The following CSMD1 variants were observed in gnomAD, a reference collection of about 807,000 sequenced individuals.
CSMD1 encodes the protein CUB and Sushi multiple domains 1, also known as CUB and sushi domain-containing protein 1.
A neutral mutation model predicts 417.5 loss-of-function variants in CSMD1; 213 were observed. The observed-to-expected ratio is 0.51, with a 90% confidence interval of 0.46 to 0.57. The LOEUF (loss-of-function observed/expected upper bound fraction) is 0.57, where lower values mean the gene tolerates loss of function less well. CSMD1 is among the 20% of genes least tolerant of loss of function. The pLI is 0.00. For synonymous variants in CSMD1, 2,862 were observed against 1,736.8 expected (o/e 1.65, Z -16.11); for missense variants, 6,923 against 4,529.7 (o/e 1.53, Z -15.17).
chr8:4,882,120 T>G (rs1157237412), intron 1 of CSMD1, among the ~76,000 whole-genome samples: 1 of 152,096 alleles, frequency 6.6e-6, no homozygotes, highest in Admixed American at 6.5e-5. Context: ...TAAAATAAAC[T>G]AGAGTAGGCT....
chr8:3,917,181 T>C (rs1049683641), intron 5 of CSMD1, among the ~76,000 whole-genome samples: 25 of 152,212 alleles, frequency 1.6e-4, no homozygotes, highest in African/African-American at 5.8e-4. Context: ...CAAATATTTA[T>C]GGAGCGCTTA....
rs144626465 is a variant in CSMD1, at chr8:3,588,394, G to A, written c.1098-2134C>T. Reference sequence around the variant, plus strand: ...TGAGAGTCCTCGGGTAGGAAGAGTTGGAATTTCAGTGTGGCCACTTCTTCA... The same window carrying A: ...TGAGAGTCCTCGGGTAGGAAGAGTTAGAATTTCAGTGTGGCCACTTCTTCA... On this transcript the variant is annotated intron_variant, in intron 8 of 69. Coordinates refer to ENST00000635120, the MANE Select transcript of CSMD1 (RefSeq NM_033225.6). Among the ~76,000 whole-genome samples, 1,362 of 152,224 alleles carry A rather than the reference G, an allele frequency of 8.9e-3. 9 individuals carry two copies. The highest frequency in any genetic ancestry group is 0.014 in the Non-Finnish European group (948 of 68,022).
At position 3,931,281 on chromosome 8, in the gene CSMD1, A is replaced by C. The variant is rs1166818503; in HGVS notation, c.818+66622T>G. Among the ~76,000 whole-genome samples, 5 of 150,696 alleles carry C rather than the reference A, an allele frequency of 3.3e-5. No individual in the cohort carries two copies. The East Asian group carries it at 9.7e-4, about 29-fold the overall frequency. On this transcript the variant is annotated intron_variant, in intron 5 of 69. Coordinates refer to ENST00000635120, the MANE Select transcript of CSMD1 (RefSeq NM_033225.6). ...CGCTCTGCATTTTGAATTGTTAATA[A>C]ATGGTATTGTGAAATTTTCAAATAA...
At chr8:4,943,640 T>C (rs1161834599) in intron 1 of CSMD1, among the ~76,000 whole-genome samples, 1 of 152,238 alleles carries the variant, frequency 6.6e-6, no homozygotes, top group Non-Finnish European at 1.5e-5. Context: ...TGATTTATAC[T>C]ATGTTGTCCA....
intron 1 of CSMD1, among the ~76,000 whole-genome samples, chr8:4,666,351 G>A (rs181131075): frequency 5.3e-5 from 8 of 152,254 alleles, no homozygotes; most frequent in African/African-American, 1.7e-4. Context: ...TTTTAACATG[G>A]AAGAGGGAGG....
At chr8:3,504,453 G>C (rs572684830) in intron 10 of CSMD1, among the ~76,000 whole-genome samples, 1 of 152,222 alleles carries the variant, frequency 6.6e-6, no homozygotes, top group African/African-American at 2.4e-5. Context: ...ACTTCTTCTT[G>C]GCATCCAGCA....
At chr8:3,173,162 A>G (rs1563109400) in intron 37 of CSMD1, among the ~76,000 whole-genome samples, 1 of 152,218 alleles carries the variant, frequency 6.6e-6, no homozygotes, top group Non-Finnish European at 1.5e-5. Flanking sequence ...TGTCCCTTAC[A>G]CTGAGTAATT....
At chr8:3,530,252 G>C (rs1797921981) in intron 10 of CSMD1, among the ~76,000 whole-genome samples, 1 of 151,906 alleles carries the variant, frequency 6.6e-6, no homozygotes, top group Non-Finnish European at 1.5e-5. Context: ...AATATATTAG[G>C]TTGTTGATTC....
intron 5 of CSMD1, among the ~76,000 whole-genome samples, chr8:3,960,979 TA>T (rs1199545767): frequency 6.6e-6 from 1 of 151,924 alleles, no homozygotes; most frequent in Non-Finnish European, 1.5e-5. Flanking sequence ...TAAATTCTTT[TA>T]AAAATATATT....
chr8:3,429,499 T>C (rs1814074848), intron 12 of CSMD1, among the ~76,000 whole-genome samples: 1 of 152,112 alleles, frequency 6.6e-6, no homozygotes, highest in Non-Finnish European at 1.5e-5. Flanking sequence ...TAAACGCCCC[T>C]GCAGGGAAAA....
At chr8:3,512,650 G>C (rs1021864007) in intron 10 of CSMD1, among the ~76,000 whole-genome samples, 2 of 149,858 alleles carry the variant, frequency 1.3e-5, no homozygotes, top group South Asian at 2.1e-4. Context: ...CGCCAGGCTG[G>C]AGTGCACTGG....
At chr8:4,738,081 C>T (rs1274114220) in intron 1 of CSMD1, among the ~76,000 whole-genome samples, 1 of 152,172 alleles carries the variant, frequency 6.6e-6, no homozygotes, top group African/African-American at 2.4e-5. Flanking sequence ...TACATGCCAA[C>T]ACCAGGTGAA....
At chr8:4,614,969 C>G (rs999093723) in intron 2 of CSMD1, among the ~76,000 whole-genome samples, 4 of 152,076 alleles carry the variant, frequency 2.6e-5, no homozygotes, top group African/African-American at 7.2e-5. Context: ...GAAAAACAGT[C>G]GTATTTGTAG....
At chr8:3,379,089 C>A (rs1810481294) in intron 18 of CSMD1, among the ~76,000 whole-genome samples, 1 of 152,180 alleles carries the variant, frequency 6.6e-6, no homozygotes, top group African/African-American at 2.4e-5. Flanking sequence ...CACAAGCATT[C>A]CTATACATAA....
chr8:3,103,852 T>C (rs905516200), intron 46 of CSMD1, among the ~76,000 whole-genome samples: 1 of 152,060 alleles, frequency 6.6e-6, no homozygotes, highest in Non-Finnish European at 1.5e-5. Context: ...CCAGTGATTC[T>C]CCTGCCTCAG....
At chr8:4,984,267 G>C (rs139721725) in intron 1 of CSMD1, among the ~76,000 whole-genome samples, 431 of 152,292 alleles carry the variant, frequency 2.8e-3, no homozygotes, top group African/African-American at 9.9e-3. Flanking sequence ...CTTCCAATAA[G>C]TAGATGATGT....
chr8:4,096,342 G>C (rs1035659525), intron 3 of CSMD1, among the ~76,000 whole-genome samples: 4 of 152,102 alleles, frequency 2.6e-5, no homozygotes, highest in African/African-American at 4.8e-5. Flanking sequence ...AAATAGGACA[G>C]CTTGGATTTC....
rs552763866 is a variant in CSMD1 at position 3,940,923 on chromosome 8, G to C, written c.818+56980C>G. ...GATTATGTCTACATTTAAAATATAT[G>C]TATGTATTTGTCCATATTTTACATA... On this transcript the variant is annotated intron_variant, in intron 5 of 69. Transcript: ENST00000635120. 4.7e-5 allele frequency among the ~76,000 whole-genome samples: 7 copies of C among 149,076 alleles called. No homozygotes were observed. The South Asian group carries it at 1.5e-3, about 32-fold the overall frequency.
intron 3 of CSMD1, among the ~76,000 whole-genome samples, chr8:4,144,250 C>A (rs1025965101): frequency 2.0e-5 from 3 of 151,032 alleles, no homozygotes; most frequent in Non-Finnish European, 4.4e-5. Flanking sequence ...CGTAAGTTCC[C>A]TGCCTCAAGA....
Sources: gnomAD v4.1 joint callset for allele counts (sites outside exome capture counted in the v4.1 genomes callset) on GRCh38, gnomAD v4.1.1 for gene constraint, MANE v1.5 for transcripts, NCBI Gene and HGNC (gene_info 2026-07-23, HGNC 2026-07-21) for gene names.